Variants in B3GLCT observed in about 807,000 individuals in gnomAD.
The protein encoded by B3GLCT is beta 3-glucosyltransferase.
A neutral mutation model predicts 63.4 loss-of-function variants in B3GLCT; 65 were observed. The ratio of observed to expected loss-of-function variants is 1.03; its 90% confidence interval spans 0.84 to 1.26. The LOEUF is 1.26. Ranked by LOEUF, B3GLCT falls within the 50% of genes most tolerant of loss-of-function variation. B3GLCT has a pLI of 0.00. For missense variants in B3GLCT, 577 were observed against 604.8 expected (o/e 0.95, Z 0.48); for synonymous variants, 233 against 219.2 (o/e 1.06, Z -0.55).
intron 14 of B3GLCT, among the ~76,000 whole-genome samples, chr13:31,325,375 C>T (rs886939213): frequency 2.6e-5 from 4 of 152,004 alleles, no homozygotes; most frequent in South Asian, 4.1e-4. Flanking sequence ...GTTTCAGTCA[C>T]GCAATAAAAG....
chr13:31,214,758 T>G (rs1869464344), intron 1 of B3GLCT, among the ~76,000 whole-genome samples: 2 of 152,224 alleles, frequency 1.3e-5, no homozygotes, highest in Non-Finnish European at 2.9e-5. Context: ...TACACATCTA[T>G]TTTATAGTTT....
rs186970016 is a variant in B3GLCT at position 31,284,125 on chromosome 13, G to A, written c.851-523G>A. On this transcript the variant is annotated intron_variant, in intron 10 of 14. Transcript: ENST00000343307. Reference sequence around the variant, plus strand: ...GAGTTTTAAAGCCTGCAGTAGTTTTGAATGTTAGTACTTCCACATTTTTCA... The same window carrying A: ...GAGTTTTAAAGCCTGCAGTAGTTTTAAATGTTAGTACTTCCACATTTTTCA... Among the ~76,000 whole-genome samples, 307 of 152,254 alleles carry A rather than the reference G, an allele frequency of 2.0e-3. 3 individuals are homozygous for A. Among genetic ancestry groups the A allele is most frequent in the East Asian group, 7.0e-3 (36 of 5,176 alleles).
rs71099943 is a variant in B3GLCT, at chr13:31,213,621, AC to A, written c.71-1418del. Among the ~76,000 whole-genome samples the A allele has an allele frequency of 8.4e-3, 460 of 55,012 alleles. 6 individuals carry two copies. Among genetic ancestry groups the A allele is most frequent in the South Asian group, 0.024 (23 of 946 alleles). 36.1% of individuals were successfully genotyped at this position (55,012 alleles called of 152,430 possible). ...AAACAAAACAACACCCCCCCACCCC[AC>A]CCCCCCCCCCCGCCAAAACTCACTA... On this transcript the variant is annotated intron_variant, in intron 1 of 14. Coordinates refer to ENST00000343307, the MANE Select transcript of B3GLCT (RefSeq NM_194318.4).
At chr13:31,209,234 A>G (rs902644048) in intron 1 of B3GLCT, among the ~76,000 whole-genome samples, 3 of 152,188 alleles carry the variant, frequency 2.0e-5, no homozygotes, top group Non-Finnish European at 4.4e-5. Context: ...AGGGTGGAGA[A>G]AAGGCAGACT....
chr13:31,291,162 G>A (rs902901329), intron 12 of B3GLCT, among the ~76,000 whole-genome samples: 1 of 152,138 alleles, frequency 6.6e-6, no homozygotes, highest in Admixed American at 6.5e-5. Flanking sequence ...TAGATGTGTG[G>A]CATTATTTCT....
At chr13:31,214,382 A>T (rs1429767826) in intron 1 of B3GLCT, among the ~76,000 whole-genome samples, 2 of 152,090 alleles carry the variant, frequency 1.3e-5, no homozygotes, top group Non-Finnish European at 2.9e-5. Context: ...TGTTGTTATT[A>T]TTTTTAATGC....
At chr13:31,221,655 C>G (rs540839516) in intron 2 of B3GLCT, among the ~76,000 whole-genome samples, 1 of 152,318 alleles carries the variant, frequency 6.6e-6, no homozygotes, top group South Asian at 2.1e-4. Context: ...GTGTTTAGCT[C>G]TCTCTTCCCC....
At chr13:31,297,213 G>C (rs1873993819) in intron 12 of B3GLCT, among the ~76,000 whole-genome samples, 1 of 151,674 alleles carries the variant, frequency 6.6e-6, no homozygotes, top group African/African-American at 2.4e-5. Flanking sequence ...TGGGGTTGTG[G>C]GTATGCACCC....
At chr13:31,217,542 A>G (rs1194787190) in intron 2 of B3GLCT, among the ~76,000 whole-genome samples, 1 of 151,998 alleles carries the variant, frequency 6.6e-6, no homozygotes, top group African/African-American at 2.4e-5. Context: ...GGTATTTCCT[A>G]TGTTTTCTTG....
At chr13:31,251,101 C>T (rs761799796) in intron 6 of B3GLCT, among the ~76,000 whole-genome samples, 3 of 152,196 alleles carry the variant, frequency 2.0e-5, no homozygotes, top group Admixed American at 6.5e-5. Flanking sequence ...CAGCAAACTC[C>T]AGCAGACCTG....
chr13:31,313,095 C>T (rs150459366), intron 12 of B3GLCT, among the ~76,000 whole-genome samples: 22 of 152,148 alleles, frequency 1.4e-4, no homozygotes, highest in African/African-American at 4.8e-4. Flanking sequence ...ATATTAAATT[C>T]GTTTTCTTCA....
rs140163602 is a variant in B3GLCT, at chr13:31,210,973, C to T, written c.71-4078C>T. Among the ~76,000 whole-genome samples, 649 of 152,170 alleles carry T rather than the reference C, an allele frequency of 4.3e-3. 10 individuals carry two copies. The highest frequency in any genetic ancestry group is 0.015 in the African/African-American group (617 of 41,514). On this transcript the variant is annotated intron_variant, in intron 1 of 14. Transcript: ENST00000343307. ...GGGTCCCACCATCTTGCCCTTTTGA[C>T]CTCAAGCGATCCTCCTGCCTCAGCC...
At chr13:31,268,958 CATTGT>C (rs1386283083) in intron 7 of B3GLCT, among the ~76,000 whole-genome samples, 1 of 152,056 alleles carries the variant, frequency 6.6e-6, no homozygotes, top group Admixed American at 6.6e-5. Context: ...TTCCCCAAGG[CATTGT>C]ATTGTATTGT....
intron 4 of B3GLCT, among the ~76,000 whole-genome samples, chr13:31,244,581 G>A (rs758313595): frequency 2.0e-5 from 3 of 152,080 alleles, no homozygotes; most frequent in South Asian, 2.1e-4. Flanking sequence ...TTATGATGGC[G>A]ATAGATGGAA....
chr13:31,249,552 T>C (rs1029249239), intron 6 of B3GLCT, among the ~76,000 whole-genome samples: 12 of 152,206 alleles, frequency 7.9e-5, no homozygotes, highest in African/African-American at 2.9e-4. Context: ...GGAGGTTATT[T>C]TTCCATTATC....
chr13:31,243,453 A>G (rs1230130751), intron 4 of B3GLCT, among the ~76,000 whole-genome samples: 3 of 152,232 alleles, frequency 2.0e-5, no homozygotes, highest in South Asian at 2.1e-4. Flanking sequence ...GATATTTTAT[A>G]TATTCATCTA....
At chr13:31,323,248 T>TC (rs1875422503) in intron 13 of B3GLCT, among the ~76,000 whole-genome samples, 1 of 152,128 alleles carries the variant, frequency 6.6e-6, no homozygotes, top group African/African-American at 2.4e-5. Flanking sequence ...GAATGTTTCC[T>TC]CCCCCAGGAA....
intron 14 of B3GLCT, among the ~76,000 whole-genome samples, chr13:31,324,771 C>T (rs1010820885): frequency 2.0e-5 from 3 of 152,082 alleles, no homozygotes; most frequent in Admixed American, 6.6e-5. Context: ...CTCACTGCAA[C>T]GTGGCTCACT....
intron 5 of B3GLCT, among the ~76,000 whole-genome samples, chr13:31,247,486 G>T (rs1871249138): frequency 6.6e-6 from 1 of 152,120 alleles, no homozygotes; most frequent in Non-Finnish European, 1.5e-5. Flanking sequence ...TGTTGGCCAG[G>T]ATGGCCTTGA....
Sources: allele counts gnomAD v4.1 joint callset (sites outside exome capture counted in the v4.1 genomes callset), GRCh38; gene constraint gnomAD v4.1.1; transcripts MANE v1.5; gene names NCBI Gene and HGNC (gene_info 2026-07-23, HGNC 2026-07-21).